CIMAP1C: variants seen among roughly 807,000 people sequenced by gnomAD.
CIMAP1C encodes ciliary microtubule associated protein 1C.
At chr15:75,727,436 G>A in the CIMAP1C span, 100 of 1,613,956 alleles carry the variant, frequency 6.2e-5, 1 homozygote, top group Admixed American at 5.5e-4. Flanking sequence ...CGGCTCCCAC[G>A]AGGTCCAGCA....
chr15:75,724,293 CCT>C, the CIMAP1C span: 3 of 1,613,688 alleles, frequency 1.9e-6, no homozygotes, highest in African/African-American at 4.0e-5. Flanking sequence ...CAAGCAGACC[CCT>C]GTCATCATGG....
the CIMAP1C span, chr15:75,724,971 A>C: frequency 1.6e-6 from 1 of 608,280 alleles, no homozygotes; most frequent in Non-Finnish European, 2.9e-6. Flanking sequence ...AAGCAGCTGG[A>C]TGGATGCTGG....
At chr15:75,726,985 C>T in the CIMAP1C span, 1 of 1,543,358 alleles carries the variant, frequency 6.5e-7, no homozygotes, top group Non-Finnish European at 8.8e-7. Flanking sequence ...ATAACCAGGA[C>T]CATCAGTTGG....
chr15:75,726,010 G>A, the CIMAP1C span: 1 of 1,306,994 alleles, frequency 7.7e-7, no homozygotes, highest in East Asian at 2.4e-5. Context: ...GGTGCTCAGT[G>A]GGGCAGCCTT....
At chr15:75,724,833 T>A in the CIMAP1C span, among the ~76,000 whole-genome samples, 11 of 152,242 alleles carry the variant, frequency 7.2e-5, 1 homozygote, top group South Asian at 6.2e-4. Context: ...ATAATCCACG[T>A]CGGATGCCTA....
At chr15:75,725,036 C>A in the CIMAP1C span, 1 of 949,304 alleles carries the variant, frequency 1.1e-6, no homozygotes. Flanking sequence ...TCCCATGGTG[C>A]GCTGTACTGG....
chr15:75,726,253 G>C, the CIMAP1C span: 1 of 839,380 alleles, frequency 1.2e-6, no homozygotes, highest in Non-Finnish European at 1.9e-6. Flanking sequence ...CAGGGGCAAA[G>C]GGTCAAGACT....
At chr15:75,725,163 C>T in the CIMAP1C span, 3 of 1,613,994 alleles carry the variant, frequency 1.9e-6, no homozygotes, top group Admixed American at 1.7e-5. Flanking sequence ...TAGATCATGA[C>T]ATCTCCATGT....
the CIMAP1C span, chr15:75,725,326 A>G: frequency 1.1e-6 from 1 of 906,604 alleles, no homozygotes; most frequent in South Asian, 1.4e-5. Flanking sequence ...TGAGACACTC[A>G]AGGGGCCCCC....
the CIMAP1C span, chr15:75,725,127 C>A: frequency 6.2e-7 from 1 of 1,613,978 alleles, no homozygotes; most frequent in Non-Finnish European, 8.5e-7. Flanking sequence ...CCGCCAAGTA[C>A]CTCCGGCCAT....
the CIMAP1C span, chr15:75,727,180 C>T: frequency 1.2e-6 from 2 of 1,614,048 alleles, no homozygotes; most frequent in African/African-American, 2.7e-5. Flanking sequence ...TGGACCTCAA[C>T]CCGGCTCCCA....
chr15:75,724,361 TC>T, the CIMAP1C span: 1 of 1,330,366 alleles, frequency 7.5e-7, no homozygotes, highest in Non-Finnish European at 1.1e-6. Flanking sequence ...CTCCCCTCTC[TC>T]CAGGACTCCT....
chr15:75,727,447 G>T, the CIMAP1C span: 3 of 1,613,994 alleles, frequency 1.9e-6, no homozygotes, highest in Non-Finnish European at 2.5e-6. Flanking sequence ...AGGTCCAGCA[G>T]GTCACTGTGC....
At chr15:75,726,272 G>A in the CIMAP1C span, 7 of 693,312 alleles carry the variant, frequency 1.0e-5, no homozygotes, top group Non-Finnish European at 1.8e-5. Context: ...CTTCCTCCTT[G>A]GAAATGTCTG....
the CIMAP1C span, among the ~76,000 whole-genome samples, chr15:75,726,557 CATG>C: frequency 6.6e-6 from 1 of 152,160 alleles, no homozygotes; most frequent in African/African-American, 2.4e-5. Context: ...TGGTTTTTTA[CATG>C]ATGACCACTG....
the CIMAP1C span, chr15:75,726,193 A>C: frequency 6.6e-6 from 4 of 607,166 alleles, no homozygotes; most frequent in Non-Finnish European, 9.2e-6. Flanking sequence ...TTATGGACAG[A>C]TGTTGGGGGT....
At chr15:75,725,360 G>C in the CIMAP1C span, 2 of 670,658 alleles carry the variant, frequency 3.0e-6, no homozygotes, top group Non-Finnish European at 5.3e-6. Flanking sequence ...AGCCAGCGGG[G>C]ATTGAGGGTG....
chr15:75,726,000 G>A, the CIMAP1C span: 1 of 1,154,916 alleles, frequency 8.7e-7, no homozygotes, highest in Non-Finnish European at 1.3e-6. Flanking sequence ...AGGCAGGCCA[G>A]GTGCTCAGTG....
the CIMAP1C span, chr15:75,725,168 C>T: frequency 2.5e-6 from 4 of 1,614,094 alleles, no homozygotes; most frequent in Non-Finnish European, 3.4e-6. Context: ...CATGACATCT[C>T]CATGTTCAAG....
Sources: gnomAD v4.1 joint callset for allele counts (sites outside exome capture counted in the v4.1 genomes callset) on GRCh38, gnomAD v4.1.1 for gene constraint, MANE v1.5 for transcripts, NCBI Gene and HGNC (gene_info 2026-07-23, HGNC 2026-07-21) for gene names.